FBLN2: variants seen among roughly 807,000 people sequenced by gnomAD.
FBLN2 encodes fibulin-2.
FBLN2 carries 81 observed loss-of-function variants against 123.7 expected under a neutral mutation model. The observed-to-expected ratio is 0.65, with a 90% CI of 0.55 to 0.79. The LOEUF is 0.79. FBLN2 is among the 30% of genes least tolerant of loss of function. The pLI, the probability that FBLN2 is intolerant of heterozygous loss-of-function variation, is 0.00. For missense variants in FBLN2, 1,603 were observed against 1,681.3 expected (o/e 0.95, Z 0.81); for synonymous variants, 699 against 701.4 (o/e 1.00, Z 0.05).
At position 13,609,491 on chromosome 3, in the gene FBLN2, T is replaced by C. The variant is rs895298039; in HGVS notation, c.1419-22T>C. 35 of 1,526,756 alleles carry C rather than the reference T, an allele frequency of 2.3e-5. No individual in the cohort carries two copies. The East Asian group carries it at 7.0e-4, about 31-fold the overall frequency. 94.6% of individuals were successfully genotyped at this position (1,526,756 alleles called of 1,614,324 possible). A position where few individuals can be genotyped will look rare whatever the true frequency, so the allele number is the denominator to read the frequency against. On this transcript the variant is annotated intron_variant, in intron 3 of 17. Transcript: ENST00000404922. ...GAGGATGAGGTGGGCGACTGGGGGC[T>C]AAGTTACCCCCTCTGTTTCAGGACA...
chr3:13,618,449 A>T (rs907669056), intron 6 of FBLN2, among the ~76,000 whole-genome samples, 164 bp downstream of exon 6: 18 of 152,310 alleles, frequency 1.2e-4, no homozygotes, highest in Non-Finnish European at 4.4e-5. Flanking sequence ...TTTGTGAGGC[A>T]GGAAAAATAG....
intron 16 of FBLN2, among the ~76,000 whole-genome samples, chr3:13,633,188 C>T (rs1015765836): frequency 6.6e-5 from 10 of 152,270 alleles, no homozygotes; most frequent in African/African-American, 1.7e-4. Context: ...GAGGGCTTCC[C>T]GGGACCTGGC....
chr3:13,636,296 T>C, intron 16 of FBLN2, 149 bp from the exon 17 acceptor site: 5 of 898,078 alleles, frequency 5.6e-6, no homozygotes, highest in Non-Finnish European at 8.3e-6. Context: ...GCCGAGCAGG[T>C]GAGATGGGGC....
At chr3:13,616,374 G>T (rs539643046) in intron 5 of FBLN2, among the ~76,000 whole-genome samples, 1 of 152,322 alleles carries the variant, frequency 6.6e-6, no homozygotes, top group South Asian at 2.1e-4. Flanking sequence ...GCTTCCTCCT[G>T]TGAGGAAGAT....
Position 13,608,072 on chromosome 3 carries a change from G to A in FBLN2, c.1317G>A (p.Lys439=), listed in dbSNP as rs780093120. ...TGTTGCTATCCACAGGCTCCACCAA[G>A]GACCTGATCGAGACTTGCTGCGCAG... ...IPRSSPEGST[K]DLIETCCAAG... The change falls in exon 3 of 18, where the codon AAG becomes AAA. Residue 439 remains lysine (K), a synonymous_variant. Coordinates refer to ENST00000404922, the MANE Select transcript of FBLN2 (RefSeq NM_001004019.2). 1.9e-6 allele frequency: 3 copies of A among 1,582,024 alleles called. No homozygotes were observed. Among genetic ancestry groups the A allele is most frequent in the African/African-American group, 2.7e-5 (2 of 74,320 alleles).
intron 1 of FBLN2, among the ~76,000 whole-genome samples, chr3:13,561,063 A>C (rs1055701437): frequency 2.6e-5 from 4 of 152,174 alleles, no homozygotes; most frequent in Non-Finnish European, 2.9e-5. Context: ...AAGCAAGAGG[A>C]TACTGCCCGC....
chr3:13,636,407 G>A (rs1199098103), intron 16 of FBLN2, 38 bp from the exon 17 acceptor site: 1 of 1,608,246 alleles, frequency 6.2e-7, no homozygotes, highest in African/African-American at 1.3e-5. Context: ...GGGTCCCCCA[G>A]CTGTGGGGAC....
chr3:13,616,004 T>C (rs1009131247), intron 5 of FBLN2, among the ~76,000 whole-genome samples: 1 of 152,170 alleles, frequency 6.6e-6, no homozygotes, highest in African/African-American at 2.4e-5. Flanking sequence ...TCATATCCTG[T>C]GTGGTACAGG....
In FBLN2 at chr3:13,637,703, G is replaced by A. The variant is rs1061375; in HGVS notation, c.3480G>A (p.Thr1160=). The A allele has an allele frequency of 0.34, 548,158 of 1,613,610 alleles. 101,449 individuals carry two copies. The highest frequency in any genetic ancestry group is 0.69 in the African/African-American group (51,741 of 74,998). ...IFRIGPAPAF[T]GDTIALNIIK... is the part of the protein sequence containing the mutation. ...GCATTGGCCCCGCGCCAGCCTTCACGGGGGACACCATCGCCCTGAACATCA... is the reference window on the plus strand; with the variant it reads ...GCATTGGCCCCGCGCCAGCCTTCACAGGGGACACCATCGCCCTGAACATCA... The change falls in exon 18 of 18, where the codon ACG becomes ACA. Residue 1160 remains threonine (T), a synonymous_variant. Coordinates refer to ENST00000404922, the MANE Select transcript of FBLN2 (RefSeq NM_001004019.2).
At chr3:13,600,017 CAGAGAGAGAG>C (rs113759892) in intron 2 of FBLN2, among the ~76,000 whole-genome samples, 5,790 of 137,364 alleles carry the variant, frequency 0.042, 371 homozygotes, top group African/African-American at 0.16. Flanking sequence ...AAAAACACGA[CAGAGAGAGAG>C]AGAGAGAGAG....
intron 16 of FBLN2, among the ~76,000 whole-genome samples, chr3:13,632,281 C>T (rs1310097578): frequency 6.6e-6 from 1 of 152,222 alleles, no homozygotes; most frequent in Non-Finnish European, 1.5e-5. Context: ...CCCTCGGTCC[C>T]TTGGCGCCGC....
chr3:13,571,087 A>AC lies in FBLN2; in HGVS notation c.738dup (p.Trp247LeufsTer25), dbSNP rs1238520985. 1.9e-6 allele frequency: 3 copies of AC among 1,552,756 alleles called. No homozygotes were observed. The highest frequency in any genetic ancestry group is 1.7e-4 in the Middle Eastern group (1 of 5,982). On this transcript the variant is annotated frameshift_variant, in exon 2 of 18. Transcript: ENST00000404922. LOFTEE classifies it high-confidence loss of function. ...GTCAGCCACTGTCCACCATCCAGGC[A>AC]CCCCCCTGGCCAGCTGTCCTCCCCA...
At chr3:13,635,326 C>T (rs552355490) in intron 16 of FBLN2, among the ~76,000 whole-genome samples, 41 of 152,166 alleles carry the variant, frequency 2.7e-4, no homozygotes, top group African/African-American at 9.9e-4. Flanking sequence ...CTCAAAGTTT[C>T]TCAAGAACCC....
At chr3:13,557,988 G>T (rs1703505585) in intron 1 of FBLN2, among the ~76,000 whole-genome samples, 1 of 152,190 alleles carries the variant, frequency 6.6e-6, no homozygotes, top group Admixed American at 6.5e-5. Context: ...GAGCCCAACG[G>T]TTATACCACA....
In FBLN2 at chr3:13,571,128, C is replaced by CTGCCCTGGGTCCCCCAGCCCCAGT; in HGVS notation, c.774_797dup (p.Ala259_Val266dup). ...GTCCTCCCCAGGCCCACAGCGGCTG[C>CTGCCCTGGGTCCCCCAGCCCCAGT]TGCCCTGGGTCCCCCAGCCCCAGTG... On this transcript the variant is annotated inframe_insertion, in exon 2 of 18. Transcript: ENST00000404922. 6.4e-7 allele frequency: 1 copy of CTGCCCTGGGTCCCCCAGCCCCAGT among 1,552,276 alleles called. No homozygotes were observed. Among genetic ancestry groups the CTGCCCTGGGTCCCCCAGCCCCAGT allele is most frequent in the South Asian group, 1.2e-5 (1 of 84,214 alleles).
At chr3:13,621,319 C>T (rs1574991728) in intron 8 of FBLN2, among the ~76,000 whole-genome samples, 2 of 152,242 alleles carry the variant, frequency 1.3e-5, no homozygotes, top group African/African-American at 4.8e-5. Context: ...GTGAAATCTG[C>T]ATACAAGGGG....
intron 1 of FBLN2, among the ~76,000 whole-genome samples, chr3:13,555,347 T>C (rs998867555): frequency 2.6e-5 from 4 of 152,178 alleles, no homozygotes; most frequent in East Asian, 1.9e-4. Flanking sequence ...AAAATAAATA[T>C]GGCACTAAAA....
chr3:13,597,376 C>T (rs538453030), intron 2 of FBLN2, among the ~76,000 whole-genome samples: 1 of 152,250 alleles, frequency 6.6e-6, no homozygotes, highest in Non-Finnish European at 1.5e-5. Flanking sequence ...TAGGGTCGCC[C>T]CTGACACCCC....
intron 1 of FBLN2, among the ~76,000 whole-genome samples, chr3:13,561,159 A>G (rs527319825): frequency 1.3e-5 from 2 of 152,158 alleles, no homozygotes; most frequent in South Asian, 2.1e-4. Flanking sequence ...TGGTTCCTAC[A>G]TTTGCAGTCC....
Sources: gnomAD v4.1 joint callset for allele counts (sites outside exome capture counted in the v4.1 genomes callset) on GRCh38, gnomAD v4.1.1 for gene constraint, MANE v1.5 for transcripts, NCBI Gene and HGNC (gene_info 2026-07-23, HGNC 2026-07-21) for gene names.